The following CD209 variants were observed in gnomAD, a reference collection of about 807,000 sequenced individuals.
The protein encoded by CD209 is CD209 antigen.
CD209 carries 31 observed loss-of-function variants against 44.7 expected under a neutral mutation model. The observed-to-expected ratio is 0.69, with a 90% CI of 0.52 to 0.94. CD209 has a LOEUF of 0.94. Among genes scored for constraint, CD209 ranks in the 40% least tolerant of loss-of-function variants. The pLI is 0.00. For missense variants in CD209, 407 were observed against 452.4 expected (o/e 0.90, Z 0.91); for synonymous variants, 173 against 181.3 (o/e 0.95, Z 0.37).
chr19:7,742,960 C>A lies in CD209; in HGVS notation c.*79G>T, dbSNP rs2033659272. ...GCCTTCTAAAGGAGGAAGAATCTGA[C>A]AAAGAACAGTCCCAGAGATTTTGTG... is the stretch of plus-strand genomic sequence containing the variant. On this transcript the variant is annotated 3_prime_UTR_variant, in exon 7 of 7. Coordinates refer to ENST00000315599, the MANE Select transcript of CD209 (RefSeq NM_021155.4). The A allele has an allele frequency of 2.6e-6, 3 of 1,167,766 alleles. No homozygotes were observed. The highest frequency in any genetic ancestry group is 3.1e-5 in the African/African-American group (2 of 65,448). The allele number at this position is 1,167,766 out of a possible 1,614,324, so 72.3% of individuals were successfully genotyped here.
chr19:7,745,452 C>T (rs2033774406), intron 4 of CD209, 66 bp downstream of exon 4: 2 of 1,611,270 alleles, frequency 1.2e-6, no homozygotes, highest in Non-Finnish European at 1.7e-6. Flanking sequence ...GGGTCAGTGA[C>T]TCAAGCAAAC....
In CD209 at chr19:7,741,637, G is replaced by A. The variant is rs1311175994; in HGVS notation, c.*1402C>T. 3 of 891,772 alleles carry A rather than the reference G, an allele frequency of 3.4e-6. No homozygotes were observed. The highest frequency in any genetic ancestry group is 2.3e-4 in the Middle Eastern group (1 of 4,334). The allele number at this position is 891,772 out of a possible 1,614,324, so 55.2% of individuals were successfully genotyped here. On this transcript the variant is annotated 3_prime_UTR_variant, in exon 7 of 7. Coordinates refer to ENST00000315599, the MANE Select transcript of CD209 (RefSeq NM_021155.4). ...CCAAGCAGCTCTTTCTCTGTTTAAC[G>A]GACGATGGTATGTACGCAGGACGAC... is the stretch of plus-strand genomic sequence containing the variant.
chr19:7,747,385 A>G lies in CD209; in HGVS notation c.47-20T>C. On this transcript the variant is annotated intron_variant, in intron 1 of 6. Transcript: ENST00000315599. Reference sequence around the variant, plus strand: ...CCTCCTCTGAATGGATAGACGTGAAATCAGAGCCTGGGCAGGCTGAGGCCA... The same window carrying G: ...CCTCCTCTGAATGGATAGACGTGAAGTCAGAGCCTGGGCAGGCTGAGGCCA... The G allele has an allele frequency of 6.2e-7, 1 of 1,614,238 alleles. No homozygotes were observed. Among genetic ancestry groups the G allele is most frequent in the Non-Finnish European group, 8.5e-7 (1 of 1,180,044 alleles).
In CD209 at chr19:7,745,893, G is replaced by A. The variant is rs2033798841; in HGVS notation, c.373C>T (p.Gln125Ter). Residue 125 changes from glutamine to a stop codon, truncating the protein, a stop_gained, in exon 4 of 7, where the codon CAG becomes TAG. Coordinates refer to ENST00000315599, the MANE Select transcript of CD209 (RefSeq NM_021155.4). LOFTEE classifies it high-confidence loss of function. The part of the protein sequence containing the change: ...PEKSKLQEIY[Q>*]ELTRLKAAVG... ...GCAGCCTTCAGCCGGGTCAGCTCCT[G>A]GTAGATCTCCTGCAGCTTAGATTTC... The A allele has an allele frequency of 6.2e-7, 1 of 1,613,434 alleles. No individual in the cohort carries two copies. The highest frequency in any genetic ancestry group is 1.3e-5 in the African/African-American group (1 of 74,698).
chr19:7,743,936 C>T (rs2033707359), intron 6 of CD209, among the ~76,000 whole-genome samples, 171 bp downstream of exon 6: 1 of 152,198 alleles, frequency 6.6e-6, no homozygotes, highest in Non-Finnish European at 1.5e-5. Flanking sequence ...ATTCTAGGCA[C>T]CTGCCATGCT....
Position 7,740,970 on chromosome 19 carries a change from AAC to A in CD209, c.*2067_*2068del, listed in dbSNP as rs1599467464. 2 of 710,548 alleles carry A rather than the reference AAC, an allele frequency of 2.8e-6. No homozygotes were observed. Among genetic ancestry groups the A allele is most frequent in the East Asian group, 5.1e-5 (2 of 39,352 alleles). The allele number at this position is 710,548 out of a possible 1,614,324, so 44.0% of individuals were successfully genotyped here. On this transcript the variant is annotated 3_prime_UTR_variant, in exon 7 of 7. Transcript: ENST00000315599. ...GAGTTAATTGTCCCTTCTACAGTAA[AAC>A]AGGAGCTTGCAGATTTGGAGATAGA...
chr19:7,741,441 T>G lies in CD209; in HGVS notation c.*1598A>C. 2 of 418,520 alleles carry G rather than the reference T, an allele frequency of 4.8e-6. No homozygotes were observed. Among genetic ancestry groups the G allele is most frequent in the Non-Finnish European group, 9.1e-6 (2 of 219,448 alleles). 25.9% of individuals were successfully genotyped at this position (418,520 alleles called of 1,614,324 possible). ...CGGGAGGCGGAAGTTGCAGTGAGCC[T>G]AGATCGCGCCACTGCACTCCAGCCT... is the stretch of plus-strand genomic sequence containing the variant. On this transcript the variant is annotated 3_prime_UTR_variant, in exon 7 of 7. Transcript: ENST00000315599.
intron 4 of CD209, 125 bp downstream of exon 4, chr19:7,745,393 A>G: frequency 1.9e-6 from 3 of 1,554,330 alleles, no homozygotes; most frequent in South Asian, 2.3e-5. Context: ...GGCAATGATC[A>G]CAGTTACCCT....
Position 7,746,001 on chromosome 19 carries a change from CCA to C in CD209, c.263_264del (p.Val88GlyfsTer2), listed in dbSNP as rs1265713229. ...AGCTTGGATTTCTCTGAGAGCTCAC[CCA>C]CTGCAGCTTTAAGCTGGGTCAGGTT... ...YQNLTQLKAA[V>X]GELSEKSKLQ... On this transcript the variant is annotated frameshift_variant, in exon 4 of 7. Transcript: ENST00000315599. LOFTEE classifies it high-confidence loss of function. 6.2e-7 allele frequency: 1 copy of C among 1,614,132 alleles called. No individual in the cohort carries two copies. The highest frequency in any genetic ancestry group is 8.5e-7 in the Non-Finnish European group (1 of 1,180,058).
chr19:7,745,076 G>A lies in CD209; in HGVS notation c.765C>T (p.Pro255=). The stretch of plus-strand genomic sequence containing the variant: ...GGAAGAATGTCCATTCCCAGGGACA[G>A]GGGTGGCACAGGCGTTCTGTTGGGG... ...LKAAVERLCH[P]CPWEWTFFQG... is the part of the protein sequence containing the mutation. The change falls in exon 5 of 7, where the codon CCC becomes CCT. Residue 255 remains proline (P), a synonymous_variant. Transcript: ENST00000315599. 1 of 1,614,200 alleles carries A rather than the reference G, an allele frequency of 6.2e-7. No homozygotes were observed. Among genetic ancestry groups the A allele is most frequent in the Non-Finnish European group, 8.5e-7 (1 of 1,180,028 alleles).
chr19:7,744,069 C>T (rs1256936661), intron 6 of CD209, 38 bp downstream of exon 6: 3 of 1,493,866 alleles, frequency 2.0e-6, no homozygotes, highest in African/African-American at 2.8e-5. Context: ...TTTCACAATT[C>T]CAGCCCCAGT....
intron 6 of CD209, 81 bp downstream of exon 6, chr19:7,744,025 TG>T: frequency 8.4e-7 from 1 of 1,184,786 alleles, no homozygotes; most frequent in Non-Finnish European, 1.3e-6. Flanking sequence ...GTCAGGGAGT[TG>T]GGGAGGATCC....
intron 6 of CD209, 150 bp from the exon 7 acceptor site, chr19:7,743,390 A>AAGGCAT: frequency 1.4e-6 from 1 of 721,588 alleles, no homozygotes; most frequent in Non-Finnish European, 2.4e-6. Flanking sequence ...TGCCTGACTC[A>AAGGCAT]CGATGCCTTG....
rs932128980 is a variant in CD209 at position 7,740,595 on chromosome 19, G to A, written c.*2444C>T. On this transcript the variant is annotated 3_prime_UTR_variant, in exon 7 of 7. Coordinates refer to ENST00000315599, the MANE Select transcript of CD209 (RefSeq NM_021155.4). ...GGACTCAGGACTCTCACAGAAAGAG[G>A]AGGACACTTTTATTGAAAAACAACA... 7.2e-6 allele frequency: 6 copies of A among 828,186 alleles called. No homozygotes were observed. The African/African-American group carries it at 8.4e-5, about 12-fold the overall frequency. 51.3% of individuals were successfully genotyped at this position (828,186 alleles called of 1,614,324 possible). A position where few individuals can be genotyped will look rare whatever the true frequency, so the allele number is the denominator to read the frequency against.
intron 2 of CD209, among the ~76,000 whole-genome samples, chr19:7,747,060 C>A (rs11465371): frequency 0.047 from 7,149 of 151,734 alleles, 194 homozygotes; most frequent in Non-Finnish European, 0.061. Flanking sequence ...CCCCACCTCC[C>A]CAGGACCCAG....
rs2146313663 is a variant in CD209 at position 7,742,201 on chromosome 19, T to C, written c.*838A>G. The C allele has an allele frequency of 6.2e-6, 1 of 161,548 alleles. No homozygotes were observed. Among genetic ancestry groups the C allele is most frequent in the East Asian group, 1.9e-4 (1 of 5,302 alleles). The allele number at this position is 161,548 out of a possible 1,614,324, so 10.0% of individuals were successfully genotyped here. The stretch of plus-strand genomic sequence containing the variant: ...CAGGCGCGGTGGCTCACACCTGTAA[T>C]CCCAGCAATTTTGGGAGGCCGAGGC... On this transcript the variant is annotated 3_prime_UTR_variant, in exon 7 of 7. Coordinates refer to ENST00000315599, the MANE Select transcript of CD209 (RefSeq NM_021155.4).
chr19:7,742,728 T>A lies in CD209; in HGVS notation c.*311A>T, dbSNP rs892218840. 15 of 388,204 alleles carry A rather than the reference T, an allele frequency of 3.9e-5. 1 individual carries two copies. Among genetic ancestry groups the A allele is most frequent in the Non-Finnish European group, 4.7e-5 (10 of 211,034 alleles). The allele number at this position is 388,204 out of a possible 1,614,324, so 24.0% of individuals were successfully genotyped here. ...AGATGGTAGGTTTGCATGTATAAGA[T>A]AACGCCCCAGGGGACATAGCAGCTA... is the stretch of plus-strand genomic sequence containing the variant. On this transcript the variant is annotated 3_prime_UTR_variant, in exon 7 of 7. Transcript: ENST00000315599.
At position 7,740,765 on chromosome 19, in the gene CD209, G is replaced by T; in HGVS notation, c.*2274C>A. 1 of 762,860 alleles carries T rather than the reference G, an allele frequency of 1.3e-6. No individual in the cohort carries two copies. The highest frequency in any genetic ancestry group is 1.4e-5 in the South Asian group (1 of 73,342). The allele number at this position is 762,860 out of a possible 1,614,324, so 47.3% of individuals were successfully genotyped here. A position where few individuals can be genotyped will look rare whatever the true frequency, so the allele number is the denominator to read the frequency against. On this transcript the variant is annotated 3_prime_UTR_variant, in exon 7 of 7. Transcript: ENST00000315599. ...GGCAAGAACAAGAGCGAAAGTTAAA[G>T]GAACAATGGGAAGAACAGCAGAGGA...
In CD209 at chr19:7,742,085, C is replaced by A; in HGVS notation, c.*954G>T. The A allele has an allele frequency of 6.8e-6, 2 of 292,822 alleles. No individual in the cohort carries two copies. Among genetic ancestry groups the A allele is most frequent in the South Asian group, 8.9e-5 (2 of 22,444 alleles). 18.1% of individuals were successfully genotyped at this position (292,822 alleles called of 1,614,324 possible). On this transcript the variant is annotated 3_prime_UTR_variant, in exon 7 of 7. Coordinates refer to ENST00000315599, the MANE Select transcript of CD209 (RefSeq NM_021155.4). Reference sequence around the variant, plus strand: ...CCAAAGCTCCTCTAGATCCCAAAGTCGTGGTAGGAGGAGATCAGGTAGTAG... The same window carrying A: ...CCAAAGCTCCTCTAGATCCCAAAGTAGTGGTAGGAGGAGATCAGGTAGTAG...
Sources: gnomAD v4.1 joint callset for allele counts (sites outside exome capture counted in the v4.1 genomes callset) on GRCh38, gnomAD v4.1.1 for gene constraint, MANE v1.5 for transcripts, NCBI Gene and HGNC (gene_info 2026-07-23, HGNC 2026-07-21) for gene names.